Variants in SEMA6D observed in about 807,000 individuals in gnomAD.
The protein encoded by SEMA6D is semaphorin-6D.
SEMA6D carries 35 observed loss-of-function variants against 106.6 expected under a neutral mutation model. The ratio of observed to expected loss-of-function variants is 0.33; its 90% confidence interval spans 0.25 to 0.44. SEMA6D has a LOEUF of 0.44. SEMA6D is among the 20% of genes least tolerant of loss of function. SEMA6D has a pLI of 1.00. For missense variants in SEMA6D, 1,185 were observed against 1,345.9 expected (o/e 0.88, Z 1.87); for synonymous variants, 499 against 487.7 (o/e 1.02, Z -0.31).
chr15:47,489,627 A>G (rs1380410973), intron 3 of SEMA6D, among the ~76,000 whole-genome samples: 1 of 151,328 alleles, frequency 6.6e-6, no homozygotes, highest in African/African-American at 2.4e-5. Context: ...ACTCATACCA[A>G]TTGCATGTCA....
At chr15:47,190,825 T>G (rs1325688588) in intron 1 of SEMA6D, among the ~76,000 whole-genome samples, 1 of 152,186 alleles carries the variant, frequency 6.6e-6, no homozygotes, top group Non-Finnish European at 1.5e-5. Context: ...TTCTTAAAGA[T>G]TGTTAAAAAG....
chr15:47,317,956 T>C (rs2036746803), intron 1 of SEMA6D, among the ~76,000 whole-genome samples: 1 of 151,710 alleles, frequency 6.6e-6, no homozygotes, highest in African/African-American at 2.4e-5. Flanking sequence ...TGTTCTTTTG[T>C]TTTTTTCTTC....
intron 1 of SEMA6D, among the ~76,000 whole-genome samples, chr15:47,202,769 T>A (rs1456662561): frequency 2.0e-5 from 3 of 152,246 alleles, no homozygotes; most frequent in African/African-American, 7.2e-5. Context: ...CTCAATTGAA[T>A]TTGTTTCTTC....
intron 3 of SEMA6D, among the ~76,000 whole-genome samples, chr15:47,502,630 A>G (rs761303848): frequency 3.3e-5 from 5 of 152,240 alleles, no homozygotes; most frequent in Non-Finnish European, 7.3e-5. Flanking sequence ...ATGTCATATC[A>G]TCTTTGAAAG....
chr15:47,657,948 G>C (rs889536180), intron 4 of SEMA6D, among the ~76,000 whole-genome samples: 1 of 151,394 alleles, frequency 6.6e-6, no homozygotes, highest in African/African-American at 2.4e-5. Context: ...CGCCTTGTTA[G>C]CCAGGATGGT....
chr15:47,263,446 A>C (rs2034171117), intron 1 of SEMA6D, among the ~76,000 whole-genome samples: 2 of 152,162 alleles, frequency 1.3e-5, no homozygotes, highest in South Asian at 4.1e-4. Context: ...CATCTGGAAA[A>C]AAGGCTCATT....
At chr15:47,269,341 A>C (rs2034456982) in intron 1 of SEMA6D, among the ~76,000 whole-genome samples, 1 of 152,074 alleles carries the variant, frequency 6.6e-6, no homozygotes, top group African/African-American at 2.4e-5. Flanking sequence ...TCTTATTTAG[A>C]ATTTAAATAA....
At chr15:47,727,079 A>G (rs2079803137) in intron 1 of SEMA6D, among the ~76,000 whole-genome samples, 1 of 152,154 alleles carries the variant, frequency 6.6e-6, no homozygotes, top group African/African-American at 2.4e-5. Flanking sequence ...TCTGGCTTCC[A>G]CTGTCGGTAC....
chr15:47,375,394 C>G (rs1372126342), intron 1 of SEMA6D, among the ~76,000 whole-genome samples: 1 of 152,176 alleles, frequency 6.6e-6, no homozygotes, highest in African/African-American at 2.4e-5. Context: ...CTCTCCCATT[C>G]CACCTCCATT....
chr15:47,391,652 A>G (rs1272332245), intron 1 of SEMA6D, among the ~76,000 whole-genome samples: 1 of 135,768 alleles, frequency 7.4e-6, no homozygotes, highest in Admixed American at 7.5e-5. Context: ...GACAGAAACA[A>G]CTATTGATTT....
At chr15:47,194,688 A>G (rs897853032) in intron 1 of SEMA6D, among the ~76,000 whole-genome samples, 2 of 152,130 alleles carry the variant, frequency 1.3e-5, no homozygotes, top group Admixed American at 6.5e-5. Flanking sequence ...TGACATAAAA[A>G]CAAAACTGTT....
chr15:47,219,895 G>C (rs1414395718), intron 1 of SEMA6D, among the ~76,000 whole-genome samples: 1 of 152,144 alleles, frequency 6.6e-6, no homozygotes, highest in Non-Finnish European at 1.5e-5. Context: ...CAGCTTTAGC[G>C]ATCTTAGTTG....
At chr15:47,234,216 G>A (rs1011975582) in intron 1 of SEMA6D, among the ~76,000 whole-genome samples, 17 of 152,096 alleles carry the variant, frequency 1.1e-4, no homozygotes, top group African/African-American at 3.6e-4. Context: ...GACCTAAGAA[G>A]ACCCAAAGCA....
intron 3 of SEMA6D, among the ~76,000 whole-genome samples, chr15:47,518,818 G>GTTGC (rs1218329883): frequency 6.6e-6 from 1 of 152,128 alleles, no homozygotes; most frequent in Non-Finnish European, 1.5e-5. Context: ...CAGACATGAA[G>GTTGC]TTGCCTTCTC....
chr15:47,207,824 T>A (rs1895175267), intron 1 of SEMA6D, among the ~76,000 whole-genome samples: 1 of 152,040 alleles, frequency 6.6e-6, no homozygotes, highest in African/African-American at 2.4e-5. Context: ...AACTACTTCA[T>A]CTAGTACGAG....
chr15:47,264,787 AGTTT>A (rs2034240583), intron 1 of SEMA6D, among the ~76,000 whole-genome samples: 1 of 151,940 alleles, frequency 6.6e-6, no homozygotes, highest in South Asian at 2.1e-4. Flanking sequence ...TTCTATTCCT[AGTTT>A]GTTATGTATT....
chr15:47,330,142 T>G (rs1309583773), intron 1 of SEMA6D, among the ~76,000 whole-genome samples: 1 of 152,232 alleles, frequency 6.6e-6, no homozygotes, highest in Non-Finnish European at 1.5e-5. Context: ...TCATTTTATA[T>G]TCTGCTTTTC....
chr15:47,314,576 C>A (rs1244743112), intron 1 of SEMA6D, among the ~76,000 whole-genome samples: 1 of 96,472 alleles, frequency 1.0e-5, no homozygotes, highest in African/African-American at 3.5e-5. Context: ...CCAGCCTGGG[C>A]GACAGAGCGA....
At position 47,217,880 on chromosome 15, in the gene SEMA6D, C is replaced by T. The variant is rs918979777; in HGVS notation, c.-239+33462C>T. 7.9e-3 allele frequency among the ~76,000 whole-genome samples: 1,186 copies of T among 150,002 alleles called. 35 individuals are homozygous for T. Among genetic ancestry groups the T allele is most frequent in the Non-Finnish European group, 5.4e-3 (364 of 67,448 alleles). On this transcript the variant is annotated intron_variant, in intron 1 of 19. Transcript: ENST00000558014. Reference sequence around the variant, plus strand: ...CTGCTTGCATGTACACACATACACACACACACACACACACACACACACACA... The same window carrying T: ...CTGCTTGCATGTACACACATACACATACACACACACACACACACACACACA...
Sources: allele counts gnomAD v4.1 joint callset (sites outside exome capture counted in the v4.1 genomes callset), GRCh38; gene constraint gnomAD v4.1.1; transcripts MANE v1.5; gene names NCBI Gene and HGNC (gene_info 2026-07-23, HGNC 2026-07-21).